The following GRAMD2B variants were observed in gnomAD, a reference collection of about 807,000 sequenced individuals.
GRAMD2B encodes the protein GRAM domain-containing protein 2B.
GRAMD2B carries 41 observed loss-of-function variants against 59.2 expected under a neutral mutation model. The ratio of observed to expected loss-of-function variants is 0.69; its 90% CI spans 0.54 to 0.90. The LOEUF (loss-of-function observed/expected upper bound fraction) is 0.90, where lower values mean the gene tolerates loss of function less well. Ranked by LOEUF, GRAMD2B falls within the 40% of genes least tolerant of loss-of-function variation. GRAMD2B has a pLI of 0.00. For missense variants in GRAMD2B, 424 were observed against 500.5 expected (o/e 0.85, Z 1.46); for synonymous variants, 161 against 182.7 (o/e 0.88, Z 0.96).
At chr5:126,376,513 T>G (rs138572499) in intron 1 of GRAMD2B, among the ~76,000 whole-genome samples, 1 of 152,360 alleles carries the variant, frequency 6.6e-6, no homozygotes, top group African/African-American at 2.4e-5. Context: ...AAGAGCTTTG[T>G]CTTTTCTTAG....
At chr5:126,391,650 G>T (rs1756797547) in intron 1 of GRAMD2B, among the ~76,000 whole-genome samples, 1 of 152,188 alleles carries the variant, frequency 6.6e-6, no homozygotes, top group African/African-American at 2.4e-5. Flanking sequence ...CAACACAAAT[G>T]AAAGAAGCTA....
intron 1 of GRAMD2B, among the ~76,000 whole-genome samples, chr5:126,387,528 C>T (rs1384204230): frequency 6.6e-6 from 1 of 150,908 alleles, no homozygotes; most frequent in African/African-American, 2.4e-5. Context: ...TCTCTTATTG[C>T]TGCTATAACA....
chr5:126,370,035 G>A (rs1377089112), upstream of GRAMD2B, among the ~76,000 whole-genome samples: 1 of 152,186 alleles, frequency 6.6e-6, no homozygotes, highest in African/African-American at 2.4e-5. Flanking sequence ...TGTCAAGGAA[G>A]GACAGGGAGG....
At chr5:126,407,245 T>C (rs755519914) in intron 1 of GRAMD2B, among the ~76,000 whole-genome samples, 1 of 151,958 alleles carries the variant, frequency 6.6e-6, no homozygotes, top group Admixed American at 6.6e-5. Flanking sequence ...GATATTTTAG[T>C]TAGGTCCCTA....
upstream of GRAMD2B, among the ~76,000 whole-genome samples, chr5:126,421,335 G>C (rs910267545): frequency 1.3e-5 from 2 of 152,210 alleles, no homozygotes; most frequent in African/African-American, 4.8e-5. Context: ...GAGTGCACCT[G>C]AGATCTGAGA....
chr5:126,433,432 G>T lies in GRAMD2B; in HGVS notation c.83+9743G>T, dbSNP rs537492926. Reference sequence around the variant, plus strand: ...AGAAGACAAAGTAACTCCCATTAAAGTCTGTGCATCCCTGCGTAGCTCTCT... The same window carrying T: ...AGAAGACAAAGTAACTCCCATTAAATTCTGTGCATCCCTGCGTAGCTCTCT... On this transcript the variant is annotated intron_variant, in intron 1 of 13. Coordinates refer to ENST00000285689, the MANE Select transcript of GRAMD2B (RefSeq NM_023927.4). The T allele has an allele frequency of 2.0e-5, 3 of 152,296 alleles. No homozygotes were observed. The East Asian group carries it at 5.8e-4, about 29-fold the overall frequency. 9.4% of individuals were successfully genotyped at this position (152,296 alleles called of 1,614,324 possible). A position where few individuals can be genotyped will look rare whatever the true frequency, so the allele number is the denominator to read the frequency against.
intron 2 of GRAMD2B, 106 bp from the exon 3 acceptor site, chr5:126,469,571 G>T (rs1769150005): frequency 5.4e-6 from 4 of 738,058 alleles, no homozygotes; most frequent in Non-Finnish European, 9.5e-6. Context: ...GGACGGGGAG[G>T]TTGCAGTGAA....
At chr5:126,448,154 C>A (rs1051499220) in intron 1 of GRAMD2B, among the ~76,000 whole-genome samples, 1 of 152,094 alleles carries the variant, frequency 6.6e-6, no homozygotes, top group Admixed American at 6.5e-5. Flanking sequence ...CAGCACCTGA[C>A]CCCATTTATA....
intron 1 of GRAMD2B, among the ~76,000 whole-genome samples, chr5:126,397,268 A>G (rs1176946843): frequency 6.6e-6 from 1 of 152,150 alleles, no homozygotes; most frequent in Non-Finnish European, 1.5e-5. Flanking sequence ...TCTGTCATCC[A>G]GGCTGAAACA....
At chr5:126,391,976 A>G (rs1295076313) in intron 1 of GRAMD2B, among the ~76,000 whole-genome samples, 2 of 152,240 alleles carry the variant, frequency 1.3e-5, no homozygotes, top group Non-Finnish European at 2.9e-5. Context: ...TCTTTCTTGG[A>G]AGTTCATATT....
intron 1 of GRAMD2B, among the ~76,000 whole-genome samples, chr5:126,389,289 T>G (rs1424289905): frequency 6.6e-6 from 1 of 152,188 alleles, no homozygotes; most frequent in Non-Finnish European, 1.5e-5. Flanking sequence ...ACTATAAAAG[T>G]GTTACTTGAA....
At chr5:126,401,927 G>A (rs911685311) in intron 1 of GRAMD2B, among the ~76,000 whole-genome samples, 1 of 151,956 alleles carries the variant, frequency 6.6e-6, no homozygotes, top group Non-Finnish European at 1.5e-5. Flanking sequence ...CATATACCGG[G>A]GTCACTCTAA....
chr5:126,412,530 T>A (rs1758895892), intron 1 of GRAMD2B, among the ~76,000 whole-genome samples: 1 of 152,138 alleles, frequency 6.6e-6, no homozygotes, highest in Non-Finnish European at 1.5e-5. Flanking sequence ...CTTAAAAATT[T>A]TTGCATCTAT....
At chr5:126,465,343 A>G (rs1385416271) in intron 1 of GRAMD2B, 83 bp from the exon 2 acceptor site, 4 of 1,597,942 alleles carry the variant, frequency 2.5e-6, no homozygotes, top group African/African-American at 2.7e-5. Context: ...TCCATTCTCT[A>G]GAAAACCATG....
chr5:126,385,645 A>C (rs1756056907), intron 1 of GRAMD2B, among the ~76,000 whole-genome samples: 1 of 152,206 alleles, frequency 6.6e-6, no homozygotes, highest in Non-Finnish European at 1.5e-5. Flanking sequence ...AAAAGTATTT[A>C]TTGTGTAATA....
At chr5:126,402,655 C>T (rs777002169) in intron 1 of GRAMD2B, among the ~76,000 whole-genome samples, 4 of 152,036 alleles carry the variant, frequency 2.6e-5, no homozygotes, top group Non-Finnish European at 5.9e-5. Context: ...ATTTTACAAG[C>T]AGAACCTCAA....
intron 1 of GRAMD2B, among the ~76,000 whole-genome samples, chr5:126,378,102 T>C (rs1755357613): frequency 6.6e-6 from 1 of 152,170 alleles, no homozygotes; most frequent in African/African-American, 2.4e-5. Context: ...AAACCCGAAG[T>C]AATACTAAAA....
At chr5:126,390,165 G>A (rs1230940175) in intron 1 of GRAMD2B, among the ~76,000 whole-genome samples, 1 of 152,088 alleles carries the variant, frequency 6.6e-6, no homozygotes. Context: ...CAAAGAAATA[G>A]GCTGAACTGA....
At chr5:126,400,785 G>A (rs748963215) in intron 1 of GRAMD2B, among the ~76,000 whole-genome samples, 92 of 152,038 alleles carry the variant, frequency 6.1e-4, no homozygotes, top group Non-Finnish European at 8.5e-4. Context: ...CTCTCTCCTG[G>A]CATGCTAGTT....
Sources: gnomAD v4.1 joint callset for allele counts (sites outside exome capture counted in the v4.1 genomes callset) on GRCh38, gnomAD v4.1.1 for gene constraint, MANE v1.5 for transcripts, NCBI Gene and HGNC (gene_info 2026-07-23, HGNC 2026-07-21) for gene names.